Variants in MISP observed in about 807,000 individuals in gnomAD.
MISP encodes the protein mitotic interactor and substrate of PLK1.
In MISP, 51 loss-of-function variants were observed where a neutral mutation model predicts 49.3. The observed-to-expected ratio is 1.03, with a 90% CI of 0.83 to 1.31. The LOEUF is 1.31. Among genes scored for constraint, MISP ranks in the 50% most tolerant of loss-of-function variants. MISP has a pLI of 0.00. For missense variants in MISP, 1,084 were observed against 935.1 expected, an observed-to-expected ratio of 1.16 and a Z score of -2.08; for synonymous variants, 444 against 392.6, an observed-to-expected ratio of 1.13 and a Z score of -1.55.
At chr19:762,542 C>T (rs534165155) in intron 4 of MISP, among the ~76,000 whole-genome samples, 3 of 152,316 alleles carry the variant, frequency 2.0e-5, no homozygotes, top group South Asian at 2.1e-4. Context: ...TGTGAGCCAC[C>T]GCACCCAGCC....
intron 1 of MISP, among the ~76,000 whole-genome samples, chr19:751,762 AGC>A (rs2033463358): frequency 1.3e-5 from 2 of 152,140 alleles, no homozygotes; most frequent in African/African-American, 4.8e-5. Context: ...GACTCGGCCC[AGC>A]GTCTGCCGGT....
Position 758,046 on chromosome 19 carries a change from G to A in MISP, c.1100G>A (p.Arg367Gln), listed in dbSNP as rs747640778. ...ACACAGCGTGAGGAAGACCACCGGC[G>A]GGAGGGCCTGCACGTGGGCCGGGCG... ...QETQREEDHR[R>Q]EGLHVGRAST... Residue 367 changes from arginine to glutamine, a missense_variant, in exon 2 of 5, where the codon CGG becomes CAG. Transcript: ENST00000215582. The A allele has an allele frequency of 3.4e-5, 53 of 1,567,290 alleles. No homozygotes were observed. In the South Asian group the frequency reaches 3.9e-4, roughly 11 times the overall value.
At chr19:750,827 C>T (rs554061481), upstream of MISP, among the ~76,000 whole-genome samples, 1 of 152,302 alleles carries the variant, frequency 6.6e-6, no homozygotes, top group African/African-American at 2.4e-5. Context: ...CCTGCTGACC[C>T]TCTCTGAGCG....
chr19:755,569 G>A (rs1568241157), intron 1 of MISP, among the ~76,000 whole-genome samples: 1 of 152,214 alleles, frequency 6.6e-6, no homozygotes, highest in Non-Finnish European at 1.5e-5. Flanking sequence ...CTCAGAGTGA[G>A]CTCAGGGTGG....
At chr19:759,838 C>T (rs2033643093) in intron 2 of MISP, 71 bp from the exon 3 acceptor site, 6 of 1,573,050 alleles carry the variant, frequency 3.8e-6, no homozygotes, top group Non-Finnish European at 5.2e-6. Context: ...TAGCTGCTGG[C>T]TAGAGACTCT....
At chr19:760,072 G>T (rs753065377) in intron 3 of MISP, 33 bp downstream of exon 3, 2 of 1,611,908 alleles carry the variant, frequency 1.2e-6, no homozygotes, top group East Asian at 2.2e-5. Context: ...CAGAGGCCAG[G>T]CTGAGGTCAG....
At chr19:760,364 CTTTTTTT>C (rs34363064) in intron 3 of MISP, 1 of 129,440 alleles carries the variant, frequency 7.7e-6, no homozygotes. Flanking sequence ...GCATTAGTTT[CTTTTTTT>C]TTTTTTTTTT....
intron 1 of MISP, among the ~76,000 whole-genome samples, chr19:753,738 A>G (rs2033499185): frequency 6.7e-6 from 1 of 150,230 alleles, no homozygotes; most frequent in Non-Finnish European, 1.5e-5. Context: ...GATCTAAATA[A>G]TAGCCTTGGT....
rs2033712316 is a variant in MISP, at chr19:763,794, T to C, written c.*204T>C. On this transcript the variant is annotated 3_prime_UTR_variant, in exon 5 of 5. Transcript: ENST00000215582. ...TTCTATCTTCCTTTAGAAATGTTTC[T>C]GCCTTTGGGGTCTAAAGCTTTTGGG... 8.8e-6 allele frequency: 5 copies of C among 567,778 alleles called. No homozygotes were observed. The Middle Eastern group carries it at 1.9e-3, about 214-fold the overall frequency. The allele number at this position is 567,778 out of a possible 1,614,324, so 35.2% of individuals were successfully genotyped here.
chr19:759,460 C>T (rs866996732), intron 2 of MISP, among the ~76,000 whole-genome samples: 8 of 144,670 alleles, frequency 5.5e-5, no homozygotes, highest in South Asian at 2.2e-4. Flanking sequence ...AGTGCAGTGG[C>T]GCGATCTCGG....
chr19:753,094 T>C (rs1222082845), intron 1 of MISP, among the ~76,000 whole-genome samples: 1 of 152,192 alleles, frequency 6.6e-6, no homozygotes, highest in Non-Finnish European at 1.5e-5. Flanking sequence ...AGGCAAGGCC[T>C]TCCGTGAGCT....
Position 756,986 on chromosome 19 carries a change from C to CA in MISP, c.41dup (p.Ala15GlyfsTer33). 6.3e-7 allele frequency: 1 copy of CA among 1,595,056 alleles called. No individual in the cohort carries two copies. Among genetic ancestry groups the CA allele is most frequent in the Non-Finnish European group, 8.6e-7 (1 of 1,169,264 alleles). On this transcript the variant is annotated frameshift_variant, in exon 2 of 5. Coordinates refer to ENST00000215582, the MANE Select transcript of MISP (RefSeq NM_173481.4). LOFTEE classifies it high-confidence loss of function. ...CAGATACCCCATCCTGGGCATCCCTCAGGCACACCGTGGCACCGGCCTGGT... is the reference window on the plus strand; with the variant it reads ...CAGATACCCCATCCTGGGCATCCCTCAAGGCACACCGTGGCACCGGCCTGGT...
chr19:750,836 C>T (rs1035191539), upstream of MISP, among the ~76,000 whole-genome samples: 17 of 152,144 alleles, frequency 1.1e-4, no homozygotes, highest in African/African-American at 3.4e-4. Context: ...CCTCTCTGAG[C>T]GGTGCTGAGA....
chr19:748,807 C>T (rs571940767), upstream of MISP, among the ~76,000 whole-genome samples: 121 of 152,320 alleles, frequency 7.9e-4, no homozygotes, highest in Non-Finnish European at 1.4e-3. Context: ...TTGGAGAAGT[C>T]GCTGCCTCCT....
Position 758,278 on chromosome 19 carries a change from C to T in MISP, c.1332C>T (p.Phe444=), listed in dbSNP as rs150854687. ...TAGAATTCTCAGCCTTCGGAGCATT[C>T]GGCAAGCCCAGCAGTCTCTCCACAG... ...PQLEFSAFGA[F]GKPSSLSTAE... Residue 444 remains phenylalanine (F), a synonymous_variant, in exon 2 of 5, where the codon TTC becomes TTT. Coordinates refer to ENST00000215582, the MANE Select transcript of MISP (RefSeq NM_173481.4). 5.1e-5 allele frequency: 82 copies of T among 1,613,760 alleles called. No homozygotes were observed. The highest frequency in any genetic ancestry group is 6.5e-5 in the Non-Finnish European group (77 of 1,180,024).
At position 758,658 on chromosome 19, in the gene MISP, C is replaced by G. The variant is rs781678851; in HGVS notation, c.1712C>G (p.Pro571Arg). 6.8e-6 allele frequency: 11 copies of G among 1,614,188 alleles called. No homozygotes were observed. The highest frequency in any genetic ancestry group is 5.1e-6 in the Non-Finnish European group (6 of 1,180,038). ...GAGGAGCGGAGAAATGCTCTCTTCC[C>G]AGAGGTCTTCTCCCCAACGCCAGAT... is the stretch of plus-strand genomic sequence containing the variant. ...VAEERRNALF[P>R]EVFSPTPDEN... The change falls in exon 2 of 5, where the codon CCA (proline) becomes CGA (arginine). Residue 571 changes from proline (P) to arginine (R), a missense_variant. Coordinates refer to ENST00000215582, the MANE Select transcript of MISP (RefSeq NM_173481.4).
At position 758,492 on chromosome 19, in the gene MISP, G is replaced by C. The variant is rs760535146; in HGVS notation, c.1546G>C (p.Glu516Gln). ...LRPLRFRAPDEPQQAQVPHVW... is the reference protein window; with the variant it reads ...LRPLRFRAPDQPQQAQVPHVW... ...TCCTCTGCGGTTCAGGGCCCCAGACGAGCCCCAGCAGGCCCAAGTCCCCCA... is the reference window on the plus strand; with the variant it reads ...TCCTCTGCGGTTCAGGGCCCCAGACCAGCCCCAGCAGGCCCAAGTCCCCCA... The change falls in exon 2 of 5, where the codon GAG becomes CAG. Residue 516 changes from glutamate to glutamine, a missense_variant. Transcript: ENST00000215582. The C allele has an allele frequency of 6.8e-6, 11 of 1,613,982 alleles. No homozygotes were observed. In the African/African-American group the frequency reaches 9.3e-5, roughly 14 times the overall value.
upstream of MISP, among the ~76,000 whole-genome samples, chr19:748,687 C>T (rs1424917995): frequency 6.6e-6 from 1 of 152,188 alleles, no homozygotes; most frequent in Non-Finnish European, 1.5e-5. Flanking sequence ...GTAGAGAAGC[C>T]GGCCCCTGGG....
chr19:763,457 G>T, intron 4 of MISP, 44 bp from the exon 5 acceptor site: 1 of 1,413,172 alleles, frequency 7.1e-7, no homozygotes, highest in South Asian at 1.2e-5. Flanking sequence ...TCTTGGGGGT[G>T]TGGTAGGACC....
Sources: gnomAD v4.1 joint callset for allele counts (sites outside exome capture counted in the v4.1 genomes callset) on GRCh38, gnomAD v4.1.1 for gene constraint, MANE v1.5 for transcripts, NCBI Gene and HGNC (gene_info 2026-07-23, HGNC 2026-07-21) for gene names.